STPG4: variants seen among roughly 807,000 people sequenced by gnomAD.
The protein encoded by STPG4 is sperm-tail PG-rich repeat containing 4, also known as protein STPG4.
Under a neutral mutation model 31.5 loss-of-function variants are expected in STPG4, and 41 were observed. The ratio of observed to expected loss-of-function variants is 1.30; its 90% CI spans 1.01 to 1.69. The LOEUF is 1.69. Among genes scored for constraint, STPG4 ranks in the 40% most tolerant of loss-of-function variants. The probability of loss-of-function intolerance (pLI) is 0.00; values close to 1 mark genes in which losing one functional copy is unlikely to be tolerated. For missense variants in STPG4, 375 were observed against 293.4 expected (o/e 1.28, Z -2.03); for synonymous variants, 141 against 103.0 (o/e 1.37, Z -2.24).
chr2:47,120,385 T>C (rs1686243327), intron 5 of STPG4, among the ~76,000 whole-genome samples: 1 of 151,706 alleles, frequency 6.6e-6, no homozygotes, highest in South Asian at 2.1e-4. Context: ...GAATGTTAGC[T>C]CTGGCTTGTG....
intron 1 of STPG4, among the ~76,000 whole-genome samples, chr2:47,154,513 T>G (rs1284007302): frequency 6.6e-6 from 1 of 152,182 alleles, no homozygotes; most frequent in African/African-American, 2.4e-5. Context: ...CACTTTAAAT[T>G]CACTCTAAGG....
chr2:47,134,693 A>T (rs185083724), intron 3 of STPG4, among the ~76,000 whole-genome samples: 48 of 152,346 alleles, frequency 3.2e-4, no homozygotes, highest in Non-Finnish European at 5.4e-4. Context: ...GGGTGGGTGT[A>T]AGCTTTCAAG....
intron 3 of STPG4, among the ~76,000 whole-genome samples, chr2:47,133,941 G>A (rs745340842): frequency 2.7e-4 from 41 of 152,164 alleles, no homozygotes; most frequent in Middle Eastern, 6.8e-3. Context: ...ATATAATTCA[G>A]TTATGTTGCA....
At chr2:47,121,777 C>T (rs72808583) in intron 5 of STPG4, among the ~76,000 whole-genome samples, 17,501 of 152,018 alleles carry the variant, frequency 0.12, 1,109 homozygotes, top group Non-Finnish European at 0.12. Flanking sequence ...CTTCTAGTGG[C>T]TGCCAGCATT....
intron 2 of STPG4, among the ~76,000 whole-genome samples, chr2:47,152,546 A>G (rs1686959110): frequency 6.6e-6 from 1 of 152,186 alleles, no homozygotes; most frequent in Admixed American, 6.5e-5. Flanking sequence ...TTTCTTCCAT[A>G]TATTACCATT....
intron 5 of STPG4, among the ~76,000 whole-genome samples, chr2:47,121,820 G>C (rs939472459): frequency 6.7e-6 from 1 of 149,746 alleles, no homozygotes; most frequent in East Asian, 2.0e-4. Flanking sequence ...TGTAATCTTT[G>C]CTTCTATATT....
intron 5 of STPG4, among the ~76,000 whole-genome samples, chr2:47,112,989 CAAAAAAAAAAA>C (rs70940656): frequency 2.1e-5 from 2 of 93,672 alleles, no homozygotes; most frequent in African/African-American, 8.1e-5. Flanking sequence ...AAGACTATCT[CAAAAAAAAAAA>C]AAAAAAAAAA....
chr2:47,132,168 A>G (rs1686500004), intron 3 of STPG4, among the ~76,000 whole-genome samples: 1 of 151,964 alleles, frequency 6.6e-6, no homozygotes. Context: ...CACTCTGAAA[A>G]AAAAAAAAAA....
intron 5 of STPG4, among the ~76,000 whole-genome samples, chr2:47,096,667 C>A (rs889084964): frequency 6.6e-6 from 1 of 152,158 alleles, no homozygotes; most frequent in Non-Finnish European, 1.5e-5. Context: ...CTCATTAAAA[C>A]CAAGCTTAAA....
At chr2:47,147,750 AAT>A (rs1686853004) in intron 3 of STPG4, among the ~76,000 whole-genome samples, 1 of 152,118 alleles carries the variant, frequency 6.6e-6, no homozygotes, top group South Asian at 2.1e-4. Flanking sequence ...CACTAGGGGA[AAT>A]AGCAGGTCAT....
chr2:47,090,356 C>G lies in STPG4; in HGVS notation c.538G>C (p.Gly180Arg). 6.4e-7 allele frequency: 1 copy of G among 1,551,640 alleles called. No homozygotes were observed. The highest frequency in any genetic ancestry group is 2.0e-5 in the Admixed American group (1 of 51,006). The change falls in exon 6 of 7, where the codon GGT becomes CGT. Residue 180 changes from glycine (G) to arginine (R), a missense_variant. Physicochemically the swap from Gly to Arg is moderately radical, Grantham distance 125. Coordinates refer to ENST00000445927, the MANE Select transcript of STPG4 (RefSeq NM_001163561.2). ...GGAGGCATTTTCACATTATAATGAC[C>G]TGGACCAGGGCCTTCATGCTATTGA... Reference protein sequence around the residue: ...YFIPHEGPGPGHYNVKMPPTS... With the variant: ...YFIPHEGPGPRHYNVKMPPTS...
Position 47,154,890 on chromosome 2 carries a change from G to A in STPG4, c.81+281C>T, listed in dbSNP as rs188253598. ...ATCACCATATTAAAGCAGTTGTCCA[G>A]TTTAATTAGTAGTGGGAAGAAGGGA... On this transcript the variant is annotated intron_variant, in intron 1 of 6. Coordinates refer to ENST00000445927, the MANE Select transcript of STPG4 (RefSeq NM_001163561.2). Among the ~76,000 whole-genome samples the A allele has an allele frequency of 3.9e-4, 59 of 152,270 alleles. 1 individual carries two copies. In the East Asian group the frequency reaches 0.011, roughly 29 times the overall value.
chr2:47,125,028 T>C (rs1015272255), intron 5 of STPG4, among the ~76,000 whole-genome samples: 2 of 152,246 alleles, frequency 1.3e-5, no homozygotes, highest in Admixed American at 6.5e-5. Context: ...TTAACGATGT[T>C]GAGCACCGTT....
At chr2:47,090,201 A>T (rs921130097) in intron 6 of STPG4, 69 bp downstream of exon 6, 11 of 1,104,662 alleles carry the variant, frequency 1.0e-5, no homozygotes, top group Admixed American at 2.0e-5. Flanking sequence ...ACACACATAG[A>T]AACAGAAAAC....
At chr2:47,093,492 C>A (rs1573145127) in intron 5 of STPG4, among the ~76,000 whole-genome samples, 1 of 152,172 alleles carries the variant, frequency 6.6e-6, no homozygotes, top group South Asian at 2.1e-4. Flanking sequence ...AGATGAGTAG[C>A]TGGGGCAAGA....
chr2:47,131,281 C>T (rs142425460), intron 3 of STPG4, among the ~76,000 whole-genome samples: 162 of 152,222 alleles, frequency 1.1e-3, no homozygotes, highest in Non-Finnish European at 2.0e-3. Context: ...TGCGCACCAC[C>T]ATACCTGGCT....
chr2:47,119,535 C>T (rs1310171495), intron 5 of STPG4, among the ~76,000 whole-genome samples: 2 of 152,162 alleles, frequency 1.3e-5, no homozygotes, highest in East Asian at 3.8e-4. Context: ...AACTCACAGC[C>T]TTCATTTAAA....
intron 3 of STPG4, among the ~76,000 whole-genome samples, chr2:47,146,287 C>T (rs1486728090): frequency 2.0e-5 from 3 of 152,150 alleles, no homozygotes; most frequent in African/African-American, 7.2e-5. Context: ...AAGTAGATTG[C>T]TAATGATACT....
chr2:47,154,547 AC>A (rs1686992113), intron 1 of STPG4, among the ~76,000 whole-genome samples: 1 of 152,236 alleles, frequency 6.6e-6, no homozygotes, highest in Admixed American at 6.5e-5. Flanking sequence ...ATTAGGTTAA[AC>A]AACCCTCACC....
Sources: gnomAD v4.1 joint callset for allele counts (sites outside exome capture counted in the v4.1 genomes callset) on GRCh38, gnomAD v4.1.1 for gene constraint, MANE v1.5 for transcripts, NCBI Gene and HGNC (gene_info 2026-07-23, HGNC 2026-07-21) for gene names.